GPX6: variants seen among roughly 807,000 people sequenced by gnomAD.
GPX6 encodes the protein glutathione peroxidase 6.
GPX6 carries 21 observed loss-of-function variants against 20.0 expected under a neutral mutation model. That is an observed-to-expected ratio of 1.05 (90% CI 0.74 to 1.51). The LOEUF (loss-of-function observed/expected upper bound fraction) is 1.51, where lower values mean the gene tolerates loss of function less well. GPX6 is among the 40% of genes most tolerant of loss of function. The pLI, the probability that GPX6 is intolerant of heterozygous loss-of-function variation, is 0.00. For synonymous variants in GPX6, 75 were observed against 98.0 expected, an observed-to-expected ratio of 0.77 and a Z score of 1.38; for missense variants, 233 against 254.7, an observed-to-expected ratio of 0.91 and a Z score of 0.58.
At chr6:28,508,519 A>T (rs1440508706) in intron 2 of GPX6, among the ~76,000 whole-genome samples, 1 of 152,150 alleles carries the variant, frequency 6.6e-6, no homozygotes, top group East Asian at 1.9e-4. Flanking sequence ...AAATAAAAAA[A>T]TTGAGGCCGG....
rs55919532 is a variant in GPX6 at position 28,504,099 on chromosome 6, T to TACACAC, written c.*187_*192dup. On this transcript the variant is annotated 3_prime_UTR_variant, in exon 5 of 5. Transcript: ENST00000361902. ...CAACAAATACAATTCTACATATCCA[T>TACACAC]ACACACACACACACACACACACACA... 2,806 of 564,738 alleles carry TACACAC rather than the reference T, an allele frequency of 5.0e-3. 1 individual carries two copies. The highest frequency in any genetic ancestry group is 0.012 in the East Asian group (402 of 33,566). 35.0% of individuals were successfully genotyped at this position (564,738 alleles called of 1,614,324 possible). A position where few individuals can be genotyped will look rare whatever the true frequency, so the allele number is the denominator to read the frequency against.
chr6:28,514,190 C>T (rs1487594465), intron 1 of GPX6, among the ~76,000 whole-genome samples: 1 of 152,192 alleles, frequency 6.6e-6, no homozygotes, highest in African/African-American at 2.4e-5. Flanking sequence ...CATTTTCTTG[C>T]CTTTGTGCTA....
Position 28,505,690 on chromosome 6 carries a change from T to G in GPX6, c.459+13A>C. The stretch of plus-strand genomic sequence containing the variant: ...CTAGCTAACCCATCCATGCCAGGTT[T>G]ATACTCATGCACCTTCAGGAAAGTA... On this transcript the variant is annotated intron_variant, in intron 4 of 4. Transcript: ENST00000361902. 1 of 1,603,352 alleles carries G rather than the reference T, an allele frequency of 6.2e-7. No homozygotes were observed. Among genetic ancestry groups the G allele is most frequent in the African/African-American group, 1.3e-5 (1 of 74,874 alleles).
rs1317495342 is a variant in GPX6 at position 28,505,729 on chromosome 6, C to G, written c.433G>C (p.Glu145Gln). The G allele has an allele frequency of 4.3e-6, 7 of 1,613,926 alleles. No homozygotes were observed. The highest frequency in any genetic ancestry group is 1.7e-4 in the Middle Eastern group (1 of 6,058). ...TTCAGGAAAGTAAAGACCTTCTGTTCTTTTTCTCCATTCACATCCCCTTTC... is the reference window on the plus strand; with the variant it reads ...TTCAGGAAAGTAAAGACCTTCTGTTGTTTTTCTCCATTCACATCCCCTTTC... The part of the protein sequence containing the change: ...FEKGDVNGEK[E>Q]QKVFTFLKNS... Residue 145 changes from glutamate (E) to glutamine (Q), a missense_variant, in exon 4 of 5, where the codon GAA becomes CAA. Physicochemically the swap from Glu to Gln is conservative, Grantham distance 29. Coordinates refer to ENST00000361902, the MANE Select transcript of GPX6 (RefSeq NM_182701.1).
At chr6:28,515,609 T>G (rs1763011932) in intron 1 of GPX6, 48 bp downstream of exon 1, 1 of 1,430,656 alleles carries the variant, frequency 7.0e-7, no homozygotes, top group African/African-American at 1.4e-5. Flanking sequence ...GCAGCCAGGT[T>G]GGTCATCACG....
At chr6:28,511,665 T>G (rs1479347854) in intron 1 of GPX6, among the ~76,000 whole-genome samples, 1 of 152,186 alleles carries the variant, frequency 6.6e-6, no homozygotes, top group Non-Finnish European at 1.5e-5. Context: ...TGGTGAGAGG[T>G]GACAACATGC....
At chr6:28,506,245 G>A in intron 3 of GPX6, 67 bp downstream of exon 3, 1 of 910,732 alleles carries the variant, frequency 1.1e-6, no homozygotes, top group Non-Finnish European at 1.9e-6. Flanking sequence ...GAATAGGCAG[G>A]CATCTAGGTG....
At chr6:28,505,412 T>C (rs750674005) in intron 4 of GPX6, among the ~76,000 whole-genome samples, 2 of 152,246 alleles carry the variant, frequency 1.3e-5, no homozygotes, top group Non-Finnish European at 2.9e-5. Flanking sequence ...GAACAGACTA[T>C]GCGCTATTAA....
chr6:28,506,286 C>CT (rs1762804999), intron 3 of GPX6, 26 bp downstream of exon 3: 2 of 1,361,546 alleles, frequency 1.5e-6, no homozygotes, highest in Admixed American at 3.3e-5. Context: ...GACAGGGCAT[C>CT]TGCAGGGTCC....
At chr6:28,513,270 C>T (rs761109226) in intron 1 of GPX6, among the ~76,000 whole-genome samples, 3 of 123,058 alleles carry the variant, frequency 2.4e-5, no homozygotes, top group African/African-American at 7.9e-5. Flanking sequence ...AGGCAGGGGT[C>T]TAATGGAGCT....
At chr6:28,509,701 T>C (rs1762841719) in intron 2 of GPX6, among the ~76,000 whole-genome samples, 1 of 152,206 alleles carries the variant, frequency 6.6e-6, no homozygotes, top group South Asian at 2.1e-4. Flanking sequence ...AAATTTTAAA[T>C]AACCTTTTCT....
At chr6:28,513,285 C>T (rs1027398792) in intron 1 of GPX6, among the ~76,000 whole-genome samples, 1 of 152,312 alleles carries the variant, frequency 6.6e-6, no homozygotes, top group South Asian at 2.1e-4. Flanking sequence ...GGAGCTAACA[C>T]AAGCTGCCTA....
intron 3 of GPX6, 76 bp from the exon 4 acceptor site, chr6:28,505,878 A>G: frequency 9.9e-7 from 1 of 1,012,902 alleles, no homozygotes; most frequent in Non-Finnish European, 1.6e-6. Context: ...CCACCAATTC[A>G]CTACCACAGG....
intron 3 of GPX6, 74 bp from the exon 4 acceptor site, chr6:28,505,876 T>C: frequency 9.7e-7 from 1 of 1,028,096 alleles, no homozygotes; most frequent in Non-Finnish European, 1.5e-6. Flanking sequence ...CACCACCAAT[T>C]CACTACCACA....
intron 1 of GPX6, among the ~76,000 whole-genome samples, chr6:28,512,654 A>G (rs968407828): frequency 1.3e-5 from 2 of 152,160 alleles, no homozygotes; most frequent in East Asian, 1.9e-4. Flanking sequence ...CCCCTTCCAC[A>G]CTGTGGGAGC....
At chr6:28,507,441 A>G (rs1253315825) in intron 2 of GPX6, among the ~76,000 whole-genome samples, 1 of 152,102 alleles carries the variant, frequency 6.6e-6, no homozygotes, top group African/African-American at 2.4e-5. Flanking sequence ...AATTCTCTCA[A>G]TTTTCTCATC....
At chr6:28,513,517 G>A (rs1562002854) in intron 1 of GPX6, among the ~76,000 whole-genome samples, 1 of 152,124 alleles carries the variant, frequency 6.6e-6, no homozygotes, top group African/African-American at 2.4e-5. Flanking sequence ...TTCCGGTTTC[G>A]CTGGTACCTT....
intron 2 of GPX6, 107 bp downstream of exon 2, chr6:28,510,644 A>T: frequency 1.9e-6 from 2 of 1,048,454 alleles, no homozygotes; most frequent in Non-Finnish European, 2.8e-6. Context: ...TCACCTGATC[A>T]GTTCTCCCAT....
chr6:28,506,487 TGAAA>T, intron 2 of GPX6, 58 bp from the exon 3 acceptor site: 1 of 911,898 alleles, frequency 1.1e-6, no homozygotes, highest in Non-Finnish European at 1.8e-6. Context: ...CCTCAAGCAG[TGAAA>T]GATCACTGAA....
Sources: gnomAD v4.1 joint callset for allele counts (sites outside exome capture counted in the v4.1 genomes callset) on GRCh38, gnomAD v4.1.1 for gene constraint, MANE v1.5 for transcripts, NCBI Gene and HGNC (gene_info 2026-07-23, HGNC 2026-07-21) for gene names.